SYNPR: variants seen among roughly 807,000 people sequenced by gnomAD.
SYNPR encodes the protein synaptoporin.
Under a neutral mutation model 32.9 loss-of-function variants are expected in SYNPR, and 23 were observed. That is an observed-to-expected ratio of 0.70 (90% CI 0.50 to 0.99). The LOEUF (loss-of-function observed/expected upper bound fraction) is 0.99. Among genes scored for constraint, SYNPR ranks in the 50% least tolerant of loss-of-function variants. The pLI is 0.00. For missense variants in SYNPR, 318 were observed against 349.3 expected (o/e 0.91, Z 0.71); for synonymous variants, 146 against 135.9 (o/e 1.07, Z -0.52).
chr3:63,411,357 T>C (rs1250425530), intron 2 of SYNPR, among the ~76,000 whole-genome samples: 1 of 152,094 alleles, frequency 6.6e-6, no homozygotes, highest in Non-Finnish European at 1.5e-5. Flanking sequence ...AATGAATACT[T>C]ACAGAGCACA....
chr3:63,375,164 G>T (rs780862305), intron 2 of SYNPR, among the ~76,000 whole-genome samples: 1 of 152,124 alleles, frequency 6.6e-6, no homozygotes, highest in Non-Finnish European at 1.5e-5. Context: ...ACAGTGTGGT[G>T]ATTCCTCAAG....
At chr3:63,207,495 G>A in the SYNPR span, among the ~76,000 whole-genome samples, 2 of 152,092 alleles carry the variant, frequency 1.3e-5, no homozygotes, top group African/African-American at 2.4e-5. Flanking sequence ...GAACAATTTG[G>A]TAAGTATTCA....
chr3:63,369,267 T>G (rs982692291), intron 2 of SYNPR, among the ~76,000 whole-genome samples: 2 of 147,260 alleles, frequency 1.4e-5, no homozygotes, highest in African/African-American at 5.2e-5. Context: ...TGCTGACACT[T>G]TGATCCTGGA....
chr3:63,224,159 G>A (rs182800273), upstream of SYNPR, among the ~76,000 whole-genome samples: 11 of 152,312 alleles, frequency 7.2e-5, 1 homozygote, highest in South Asian at 2.1e-4. Flanking sequence ...CACACAGCAG[G>A]AGGTGAGTGG....
intron 3 of SYNPR, among the ~76,000 whole-genome samples, chr3:63,492,651 C>A (rs143019071): frequency 1.3e-5 from 2 of 152,080 alleles, no homozygotes; most frequent in Non-Finnish European, 2.9e-5. Flanking sequence ...AAGTGACAAG[C>A]GGCAGAGATT....
chr3:63,209,041 GA>G, the SYNPR span, among the ~76,000 whole-genome samples: 6 of 151,364 alleles, frequency 4.0e-5, no homozygotes, highest in African/African-American at 9.7e-5. Flanking sequence ...TGAAAAGAAT[GA>G]AAAAAAATGT....
chr3:63,417,122 G>T (rs144756242), intron 2 of SYNPR, among the ~76,000 whole-genome samples: 94 of 152,274 alleles, frequency 6.2e-4, no homozygotes, highest in African/African-American at 2.0e-3. Flanking sequence ...AATCAAATTG[G>T]TTACTTCCTA....
chr3:63,443,389 G>T, intron 2 of SYNPR: 2 of 1,580,948 alleles, frequency 1.3e-6, no homozygotes, highest in Non-Finnish European at 8.6e-7. Context: ...TTTTTAGTAT[G>T]AGACAACCTC....
intron 2 of SYNPR, among the ~76,000 whole-genome samples, chr3:63,256,622 A>C (rs1179263693): frequency 6.6e-6 from 1 of 152,190 alleles, no homozygotes; most frequent in East Asian, 1.9e-4. Flanking sequence ...ATGGAGAAAA[A>C]ACAGAGCAGA....
chr3:63,501,520 GAA>G (rs1230887767), intron 3 of SYNPR, among the ~76,000 whole-genome samples: 1 of 125,792 alleles, frequency 7.9e-6, no homozygotes, highest in African/African-American at 3.1e-5. Flanking sequence ...AAAAAGAAAA[GAA>G]AAAGAAAAAA....
chr3:63,452,249 G>T, intron 2 of SYNPR: 1 of 533,380 alleles, frequency 1.9e-6, no homozygotes, highest in Non-Finnish European at 3.3e-6. Context: ...AAACAAACAT[G>T]GTCTCACGTA....
chr3:63,336,258 G>A (rs959103146), intron 2 of SYNPR, among the ~76,000 whole-genome samples: 5 of 151,744 alleles, frequency 3.3e-5, no homozygotes, highest in Non-Finnish European at 7.4e-5. Flanking sequence ...GCTTGAAGAT[G>A]AAACTAAAAA....
chr3:63,585,036 T>G (rs1703158934), intron 4 of SYNPR, among the ~76,000 whole-genome samples: 1 of 152,104 alleles, frequency 6.6e-6, no homozygotes, highest in South Asian at 2.1e-4. Context: ...CACATCTTGC[T>G]TCTTAAAATG....
intron 2 of SYNPR, among the ~76,000 whole-genome samples, chr3:63,389,634 C>A (rs535506050): frequency 6.6e-6 from 1 of 152,274 alleles, no homozygotes; most frequent in Middle Eastern, 3.4e-3. Context: ...CCCATCAGCC[C>A]CTTTGTAACC....
chr3:63,257,081 A>T (rs554541477), intron 2 of SYNPR, among the ~76,000 whole-genome samples: 9 of 152,298 alleles, frequency 5.9e-5, no homozygotes, highest in Admixed American at 5.9e-4. Flanking sequence ...GAAAAGACCA[A>T]ATCTATATCT....
chr3:63,409,799 T>C (rs1020568165), intron 2 of SYNPR, among the ~76,000 whole-genome samples: 8 of 152,170 alleles, frequency 5.3e-5, no homozygotes, highest in Non-Finnish European at 1.2e-4. Flanking sequence ...AGCTCTCTTT[T>C]TGAGCACTGC....
At chr3:63,279,006 G>C (rs1030943872) in intron 2 of SYNPR, among the ~76,000 whole-genome samples, 1 of 152,170 alleles carries the variant, frequency 6.6e-6, no homozygotes. Context: ...TTGCAGACGC[G>C]CAGGGGCTGT....
intron 2 of SYNPR, among the ~76,000 whole-genome samples, chr3:63,293,522 T>C (rs1381614780): frequency 1.3e-5 from 2 of 152,240 alleles, no homozygotes; most frequent in Non-Finnish European, 2.9e-5. Flanking sequence ...ATTAGTTTGC[T>C]AGGGCAAACC....
At chr3:63,313,402 T>A (rs768406065) in intron 2 of SYNPR, among the ~76,000 whole-genome samples, 1 of 151,632 alleles carries the variant, frequency 6.6e-6, no homozygotes, top group Non-Finnish European at 1.5e-5. Flanking sequence ...ATCCATTGTA[T>A]TATTCTTACA....
Sources: gnomAD v4.1 joint callset for allele counts (sites outside exome capture counted in the v4.1 genomes callset) on GRCh38, gnomAD v4.1.1 for gene constraint, MANE v1.5 for transcripts, NCBI Gene and HGNC (gene_info 2026-07-23, HGNC 2026-07-21) for gene names.